The following SPATA6 variants were observed in gnomAD, a reference collection of about 807,000 sequenced individuals.
SPATA6 encodes the protein spermatogenesis associated 6, also known as spermatogenesis-associated protein 6.
SPATA6 carries 56 observed loss-of-function variants against 65.3 expected under a neutral mutation model. That is an observed-to-expected ratio of 0.86 (90% CI 0.69 to 1.07). The LOEUF (loss-of-function observed/expected upper bound fraction) is 1.07. Ranked by LOEUF, SPATA6 falls within the 50% of genes least tolerant of loss-of-function variation. SPATA6 has a pLI of 0.00. For missense variants in SPATA6, 590 were observed against 594.8 expected (o/e 0.99, Z 0.08); for synonymous variants, 199 against 213.2 (o/e 0.93, Z 0.58).
chr1:48,325,453 T>C, intron 11 of SPATA6: 1 of 1,230,686 alleles, frequency 8.1e-7, no homozygotes, highest in East Asian at 2.3e-5. Context: ...GTTTGCACTA[T>C]GTTCCTGAAT....
intron 9 of SPATA6, among the ~76,000 whole-genome samples, chr1:48,364,840 C>T (rs768890254): frequency 3.4e-4 from 52 of 152,002 alleles, no homozygotes; most frequent in African/African-American, 9.9e-4. Context: ...TTGTTGCCAC[C>T]GCTTTTGGTG....
chr1:48,308,585 C>T (rs1293187101), intron 11 of SPATA6, among the ~76,000 whole-genome samples: 5 of 152,042 alleles, frequency 3.3e-5, no homozygotes, highest in Non-Finnish European at 1.5e-5. Flanking sequence ...TGTCTAGTGT[C>T]CTTTCACTTC....
chr1:48,349,246 A>G (rs1018744351), intron 11 of SPATA6, among the ~76,000 whole-genome samples: 4 of 151,996 alleles, frequency 2.6e-5, no homozygotes, highest in Admixed American at 6.6e-5. Flanking sequence ...ACAGCTGAGT[A>G]GTTGTCACAG....
At chr1:48,325,557 G>C in intron 11 of SPATA6, 1 of 1,117,272 alleles carries the variant, frequency 9.0e-7, no homozygotes, top group Non-Finnish European at 1.4e-6. Flanking sequence ...CTTTGGTCTT[G>C]GAATGTTAGA....
At chr1:48,282,167 T>C in the SPATA6 span, among the ~76,000 whole-genome samples, 2 of 152,192 alleles carry the variant, frequency 1.3e-5, no homozygotes, top group Non-Finnish European at 2.9e-5. Flanking sequence ...TCCTTACACC[T>C]TTTACAAAAA....
intron 11 of SPATA6, among the ~76,000 whole-genome samples, chr1:48,318,808 ATAGT>A (rs1645514854): frequency 6.6e-6 from 1 of 152,142 alleles, no homozygotes; most frequent in Non-Finnish European, 1.5e-5. Context: ...AGGACCTAGA[ATAGT>A]TATTCTTGAA....
At chr1:48,281,408 A>C in the SPATA6 span, among the ~76,000 whole-genome samples, 1 of 152,186 alleles carries the variant, frequency 6.6e-6, no homozygotes, top group African/African-American at 2.4e-5. Flanking sequence ...CTGTTTGCAG[A>C]TGACATGATT....
chr1:48,320,506 T>C (rs1645569893), intron 11 of SPATA6, among the ~76,000 whole-genome samples: 1 of 152,224 alleles, frequency 6.6e-6, no homozygotes, highest in South Asian at 2.1e-4. Context: ...TAGAATAGTA[T>C]ATCTGGCAAA....
chr1:48,280,791 C>A, the SPATA6 span, among the ~76,000 whole-genome samples: 1 of 151,870 alleles, frequency 6.6e-6, no homozygotes, highest in Admixed American at 6.6e-5. Flanking sequence ...TGAAACTATT[C>A]CAATCAATAG....
In SPATA6 at chr1:48,300,047, G is replaced by C. The variant is rs546139409; in HGVS notation, c.1287-1154C>G. The stretch of plus-strand genomic sequence containing the variant: ...AGAGAGAGAGCGAGCGCATGCAAGA[G>C]AGCACGCATGTAAGTGAGAGGAAGC... On this transcript the variant is annotated intron_variant, in intron 12 of 12. Transcript: ENST00000371847. Among the ~76,000 whole-genome samples, 28 of 152,252 alleles carry C rather than the reference G, an allele frequency of 1.8e-4. No individual in the cohort carries two copies. The South Asian group carries it at 3.9e-3, about 21-fold the overall frequency.
chr1:48,366,906 C>G (rs1002163544), intron 9 of SPATA6, among the ~76,000 whole-genome samples: 1 of 152,172 alleles, frequency 6.6e-6, no homozygotes, highest in African/African-American at 2.4e-5. Flanking sequence ...AATTTTGCAT[C>G]TTTCCTGCTT....
chr1:48,323,227 T>C (rs1377354263), intron 11 of SPATA6, among the ~76,000 whole-genome samples: 2 of 152,164 alleles, frequency 1.3e-5, no homozygotes, highest in African/African-American at 4.8e-5. Context: ...TACCATGGAA[T>C]ACTATGCAGC....
rs542260758 is a variant in SPATA6, at chr1:48,416,325, G to A, written c.239-3174C>T. On this transcript the variant is annotated intron_variant, in intron 3 of 12. Coordinates refer to ENST00000371847, the MANE Select transcript of SPATA6 (RefSeq NM_019073.4). ...CTCAGAAACCATTCAAGCAAGAAGA[G>A]AGTAGAGTGAAATATCCATATATAT... Among the ~76,000 whole-genome samples, 71 of 152,102 alleles carry A rather than the reference G, an allele frequency of 4.7e-4. 2 individuals are homozygous for A. In the South Asian group the frequency reaches 0.014, roughly 30 times the overall value.
intron 1 of SPATA6, among the ~76,000 whole-genome samples, chr1:48,463,871 AAAT>A (rs1200912831): frequency 6.6e-6 from 1 of 152,166 alleles, no homozygotes; most frequent in Non-Finnish European, 1.5e-5. Context: ...AAATCCAGCA[AAAT>A]AGAGTAAAAA....
chr1:48,402,564 C>T (rs1651269522), intron 6 of SPATA6: 1 of 152,180 alleles, frequency 6.6e-6, no homozygotes, highest in Non-Finnish European at 1.5e-5. Context: ...TACAGCCTGA[C>T]TCTGAATTAT....
At chr1:48,341,654 A>G (rs750223314) in intron 11 of SPATA6, among the ~76,000 whole-genome samples, 1 of 152,244 alleles carries the variant, frequency 6.6e-6, no homozygotes, top group Non-Finnish European at 1.5e-5. Flanking sequence ...CTTGGAAAGA[A>G]AAAAACATGG....
At chr1:48,417,373 T>G (rs891437411) in intron 3 of SPATA6, among the ~76,000 whole-genome samples, 1 of 152,152 alleles carries the variant, frequency 6.6e-6, no homozygotes, top group Non-Finnish European at 1.5e-5. Flanking sequence ...ATGCTTAGAC[T>G]GCGACACAGA....
chr1:48,263,532 C>T, the SPATA6 span, among the ~76,000 whole-genome samples: 1 of 152,138 alleles, frequency 6.6e-6, no homozygotes, highest in African/African-American at 2.4e-5. Context: ...ACCCTTGTTT[C>T]CATACCTTTA....
Position 48,471,999 on chromosome 1 carries a change from C to G in SPATA6, c.10G>C (p.Val4Leu). The G allele has an allele frequency of 6.3e-7, 1 of 1,578,442 alleles. No individual in the cohort carries two copies. Among genetic ancestry groups the G allele is most frequent in the South Asian group, 1.1e-5 (1 of 87,256 alleles). Reference protein sequence around the residue: MPKVKALQCALALE... With the variant: MPKLKALQCALALE... ...GCCAGGGCGCACTGCAGCGCCTTCA[C>G]CTTCGGCATCCGTGCGGGGAGGGGC... Residue 4 changes from valine to leucine, a missense_variant, in exon 1 of 13, where the codon GTG (valine) becomes CTG (leucine). Val to Leu is a conservative substitution (Grantham distance 32). Transcript: ENST00000371847.
Sources: gnomAD v4.1 joint callset for allele counts (sites outside exome capture counted in the v4.1 genomes callset) on GRCh38, gnomAD v4.1.1 for gene constraint, MANE v1.5 for transcripts, NCBI Gene and HGNC (gene_info 2026-07-23, HGNC 2026-07-21) for gene names.